Variants in ATP2B2 observed in about 807,000 individuals in gnomAD.
ATP2B2 encodes ATPase plasma membrane Ca2+ transporting 2, also known as plasma membrane calcium-transporting ATPase 2.
ATP2B2 carries 15 observed loss-of-function variants against 120.0 expected under a neutral mutation model. The observed-to-expected ratio is 0.12, with a 90% confidence interval of 0.08 to 0.19. ATP2B2 has a LOEUF of 0.19. Among genes scored for constraint, ATP2B2 ranks in the 10% least tolerant of loss-of-function variants. The probability of loss-of-function intolerance (pLI) is 1.00; values close to 1 mark genes in which losing one functional copy is unlikely to be tolerated. For synonymous variants in ATP2B2, 694 were observed against 700.3 expected (o/e 0.99, Z 0.14); for missense variants, 1,045 against 1,719.8 (o/e 0.61, Z 6.94).
intron 1 of ATP2B2, among the ~76,000 whole-genome samples, chr3:10,685,057 C>T (rs1351425626): frequency 6.6e-6 from 1 of 152,148 alleles, no homozygotes; most frequent in Non-Finnish European, 1.5e-5. Flanking sequence ...GACAGACTCT[C>T]TAAATCCAGG....
At chr3:10,463,785 C>T (rs1446178737) in intron 1 of ATP2B2, among the ~76,000 whole-genome samples, 1 of 152,236 alleles carries the variant, frequency 6.6e-6, no homozygotes, top group African/African-American at 2.4e-5. Context: ...ACTGAGGATC[C>T]TTATGGTCCA....
intron 2 of ATP2B2, among the ~76,000 whole-genome samples, chr3:10,430,487 A>C (rs2063282088): frequency 6.6e-6 from 1 of 152,194 alleles, no homozygotes; most frequent in South Asian, 2.1e-4. Context: ...AGGTCACTGC[A>C]GATGTGGTGA....
At chr3:10,457,418 G>A (rs2064307966) in intron 1 of ATP2B2, among the ~76,000 whole-genome samples, 1 of 152,128 alleles carries the variant, frequency 6.6e-6, no homozygotes, top group African/African-American at 2.4e-5. Flanking sequence ...TGGTCTTAGA[G>A]TACGCCTGTA....
chr3:10,648,349 C>A (rs184180497), intron 1 of ATP2B2, among the ~76,000 whole-genome samples: 2 of 152,286 alleles, frequency 1.3e-5, no homozygotes, highest in East Asian at 3.9e-4. Flanking sequence ...TTTCTTCCAA[C>A]ATCTCTGGCC....
At chr3:10,676,785 A>G (rs1221034024) in intron 1 of ATP2B2, among the ~76,000 whole-genome samples, 1 of 152,246 alleles carries the variant, frequency 6.6e-6, no homozygotes, top group African/African-American at 2.4e-5. Flanking sequence ...TTAAAGAATG[A>G]AACTACACCT....
At chr3:10,432,464 G>A (rs897581762) in intron 2 of ATP2B2, among the ~76,000 whole-genome samples, 1 of 152,274 alleles carries the variant, frequency 6.6e-6, no homozygotes, top group African/African-American at 2.4e-5. Flanking sequence ...AGATCAAACA[G>A]TCAGCAGTTC....
intron 2 of ATP2B2, among the ~76,000 whole-genome samples, chr3:10,545,115 A>G (rs576523766): frequency 1.3e-5 from 2 of 152,380 alleles, no homozygotes; most frequent in Admixed American, 1.3e-4. Context: ...GTTTCCCAGT[A>G]GAAGAAAGTC....
chr3:10,555,337 A>G (rs987163449), intron 2 of ATP2B2, among the ~76,000 whole-genome samples: 4 of 152,210 alleles, frequency 2.6e-5, no homozygotes, highest in African/African-American at 9.7e-5. Flanking sequence ...CAGGAGTACA[A>G]TGATTGCCTG....
chr3:10,380,104 T>G (rs1039466303), intron 8 of ATP2B2, among the ~76,000 whole-genome samples: 8 of 152,194 alleles, frequency 5.3e-5, no homozygotes, highest in African/African-American at 1.9e-4. Context: ...GGCTAAGTAG[T>G]GTCCGTGGGC....
chr3:10,420,323 T>G (rs1461453290), intron 2 of ATP2B2, among the ~76,000 whole-genome samples: 1 of 151,556 alleles, frequency 6.6e-6, no homozygotes, highest in African/African-American at 2.4e-5. Context: ...CTCTGTGACC[T>G]TGGGCGGGTA....
chr3:10,378,591 C>T (rs189097908), intron 9 of ATP2B2, among the ~76,000 whole-genome samples, 181 bp from the exon 10 acceptor site: 6 of 152,300 alleles, frequency 3.9e-5, no homozygotes, highest in Non-Finnish European at 5.9e-5. Flanking sequence ...CTCTTCCAGC[C>T]GGAGCTATGG....
Position 10,326,849 on chromosome 3 carries a change from T to C in ATP2B2, c.*1965A>G, listed in dbSNP as rs1282130173. On this transcript the variant is annotated 3_prime_UTR_variant, in exon 23 of 23. Transcript: ENST00000360273. Reference sequence around the variant, plus strand: ...AGATGTAGGCCCTCCCAGTTGACTATGGCTCTTTTCCCGAGTGGCTCTCAT... The same window carrying C: ...AGATGTAGGCCCTCCCAGTTGACTACGGCTCTTTTCCCGAGTGGCTCTCAT... 2 of 398,920 alleles carry C rather than the reference T, an allele frequency of 5.0e-6. No individual in the cohort carries two copies. Among genetic ancestry groups the C allele is most frequent in the Non-Finnish European group, 8.8e-6 (2 of 226,080 alleles). 24.7% of individuals were successfully genotyped at this position (398,920 alleles called of 1,614,324 possible). A position where few individuals can be genotyped will look rare whatever the true frequency, so the allele number is the denominator to read the frequency against.
intron 21 of ATP2B2, among the ~76,000 whole-genome samples, 168 bp from the exon 22 acceptor site, chr3:10,338,526 CTTTTTTTT>C (rs34558372): frequency 2.3e-5 from 2 of 88,448 alleles, no homozygotes; most frequent in African/African-American, 5.4e-5. Flanking sequence ...TTGACAATGT[CTTTTTTTT>C]TTTTTTTTTT....
intron 14 of ATP2B2, among the ~76,000 whole-genome samples, chr3:10,354,030 T>C (rs2060646683): frequency 6.6e-6 from 1 of 152,218 alleles, no homozygotes; most frequent in Non-Finnish European, 1.5e-5. Flanking sequence ...CCACTCTGCA[T>C]CCCTTCCTGC....
intron 3 of ATP2B2, among the ~76,000 whole-genome samples, chr3:10,409,266 AT>A (rs1448748237): frequency 2.0e-5 from 3 of 152,228 alleles, no homozygotes; most frequent in Non-Finnish European, 4.4e-5. Context: ...TGATCCCAGA[AT>A]TCTCGTAAAG....
rs917336797 is a variant in ATP2B2, at chr3:10,338,240, G to A, written c.3356C>T (p.Ala1119Val). 2 of 1,614,162 alleles carry A rather than the reference G, an allele frequency of 1.2e-6. No individual in the cohort carries two copies. Among genetic ancestry groups the A allele is most frequent in the South Asian group, 1.1e-5 (1 of 91,082 alleles). ...LNEDVEEIDH[A>V]ERELRRGQIL... is the part of the protein sequence containing the mutation. ...CTGGCCCCGCCGCAGCTCCCGCTCC[G>A]CGTGGTCGATCTCCTCCACGTCCTC... The change falls in exon 22 of 23, where the codon GCG becomes GTG. Residue 1119 changes from alanine to valine, a missense_variant. Ala to Val is a moderately conservative substitution (Grantham distance 64). Coordinates refer to ENST00000360273, the MANE Select transcript of ATP2B2 (RefSeq NM_001001331.4).
At chr3:10,332,150 G>A (rs1394021094) in intron 22 of ATP2B2, 6 of 871,176 alleles carry the variant, frequency 6.9e-6, no homozygotes, top group African/African-American at 3.3e-5. Flanking sequence ...TTACCAAAAC[G>A]CTAATGAGAA....
intron 2 of ATP2B2, among the ~76,000 whole-genome samples, chr3:10,586,855 C>T (rs2068521123): frequency 6.6e-6 from 1 of 152,184 alleles, no homozygotes; most frequent in South Asian, 2.1e-4. Flanking sequence ...CCCTTTGTCA[C>T]ACCCCACTGC....
intron 1 of ATP2B2, among the ~76,000 whole-genome samples, chr3:10,638,706 T>G (rs2070089760): frequency 2.6e-5 from 4 of 152,222 alleles, no homozygotes; most frequent in Admixed American, 2.0e-4. Flanking sequence ...AACTCTATGT[T>G]GTCTATAAGA....
Sources: gnomAD v4.1 joint callset for allele counts (sites outside exome capture counted in the v4.1 genomes callset) on GRCh38, gnomAD v4.1.1 for gene constraint, MANE v1.5 for transcripts, NCBI Gene and HGNC (gene_info 2026-07-23, HGNC 2026-07-21) for gene names.